The following EVC variants were observed in gnomAD, a reference collection of about 807,000 sequenced individuals.
EVC encodes EvC ciliary complex subunit 1.
In EVC, 116 loss-of-function variants were observed where a neutral mutation model predicts 118.9. The observed-to-expected ratio is 0.98, with a 90% CI of 0.84 to 1.14. EVC has a LOEUF of 1.14. Ranked by LOEUF, EVC falls within the 50% of genes most tolerant of loss-of-function variation. The pLI is 0.00. For synonymous variants in EVC, 619 were observed against 534.7 expected, an observed-to-expected ratio of 1.16 and a Z score of -2.18; for missense variants, 1,401 against 1,246.4, an observed-to-expected ratio of 1.12 and a Z score of -1.87.
At chr4:5,791,061 C>G (rs919400947) in intron 12 of EVC, among the ~76,000 whole-genome samples, 2 of 152,064 alleles carry the variant, frequency 1.3e-5, no homozygotes, top group South Asian at 2.1e-4. Flanking sequence ...CACAGGAGAT[C>G]ACTTAGCCTG....
chr4:5,733,537 T>G, intron 5 of EVC, 102 bp downstream of exon 5: 1 of 1,043,406 alleles, frequency 9.6e-7, no homozygotes, highest in East Asian at 2.4e-5. Flanking sequence ...GAGGCAGACA[T>G]CAGTGGAAAC....
the EVC span, chr4:5,821,084 A>C: frequency 2.6e-5 from 4 of 152,326 alleles, no homozygotes; most frequent in African/African-American, 9.6e-5. This position sits in a 1 kb window ranked among gnomAD's most constrained non-coding sequence, Gnocchi z 4.4. Flanking sequence ...ACCAGAAGAC[A>C]GCACGGTGAG....
At chr4:5,794,363 T>TTTA (rs1252982279) in intron 13 of EVC, among the ~76,000 whole-genome samples, 2 of 125,976 alleles carry the variant, frequency 1.6e-5, no homozygotes, top group African/African-American at 3.0e-5. Context: ...ATTTATGTAT[T>TTTA]TATATTTATA....
intron 2 of EVC, among the ~76,000 whole-genome samples, chr4:5,720,588 T>A (rs1352245713): frequency 6.6e-6 from 1 of 152,234 alleles, no homozygotes; most frequent in Non-Finnish European, 1.5e-5. Context: ...CCGACGTCAG[T>A]AGGGCTCAGC....
chr4:5,813,455 G>T lies in EVC; in HGVS notation c.*2418G>T, dbSNP rs1217954881. 6.6e-6 allele frequency: 1 copy of T among 152,190 alleles called. No individual in the cohort carries two copies. Among genetic ancestry groups the T allele is most frequent in the East Asian group, 1.9e-4 (1 of 5,168 alleles). 9.4% of individuals were successfully genotyped at this position (152,190 alleles called of 1,614,324 possible). A position where few individuals can be genotyped will look rare whatever the true frequency, so the allele number is the denominator to read the frequency against. ...GAACTCCTGACCTCATCGTCCACCTGCCTCGGCCTCCCCAAAGTGCTGAGA... is the reference window on the plus strand; with the variant it reads ...GAACTCCTGACCTCATCGTCCACCTTCCTCGGCCTCCCCAAAGTGCTGAGA... On this transcript the variant is annotated 3_prime_UTR_variant, in exon 21 of 21. Coordinates refer to ENST00000264956, the MANE Select transcript of EVC (RefSeq NM_153717.3).
intron 11 of EVC, among the ~76,000 whole-genome samples, chr4:5,762,576 T>A (rs932997726): frequency 5.4e-5 from 8 of 148,762 alleles, no homozygotes; most frequent in African/African-American, 2.0e-4. Flanking sequence ...GTTTCCTGAC[T>A]TTTTAATGAT....
chr4:5,782,750 G>GT (rs1445405432), intron 11 of EVC, among the ~76,000 whole-genome samples: 1 of 152,078 alleles, frequency 6.6e-6, no homozygotes, highest in Non-Finnish European at 1.5e-5. Context: ...GTGATCTTGA[G>GT]TGTGAGGGGA....
At chr4:5,794,349 ATATATT>A (rs1425850335) in intron 13 of EVC, among the ~76,000 whole-genome samples, 4 of 136,516 alleles carry the variant, frequency 2.9e-5, no homozygotes, top group South Asian at 4.3e-4. Context: ...ATACTTATAT[ATATATT>A]TATGTATTTA....
At chr4:5,726,172 T>G (rs2151896722) in intron 2 of EVC, among the ~76,000 whole-genome samples, 1 of 152,308 alleles carries the variant, frequency 6.6e-6, no homozygotes, top group South Asian at 2.1e-4. Flanking sequence ...TGGAAATCGG[T>G]CATTGGTGAT....
intron 20 of EVC, among the ~76,000 whole-genome samples, chr4:5,810,714 G>C (rs900436136): frequency 6.6e-6 from 1 of 152,180 alleles, no homozygotes; most frequent in African/African-American, 2.4e-5. Context: ...TTGGCATCCA[G>C]CCTGAAGTGT....
At chr4:5,752,082 C>T (rs1730457367) in intron 8 of EVC, among the ~76,000 whole-genome samples, 1 of 151,940 alleles carries the variant, frequency 6.6e-6, no homozygotes, top group Non-Finnish European at 1.5e-5. Context: ...GCAGGACTGG[C>T]CTGTGGCCTC....
rs576076928 is a variant in EVC at position 5,747,998 on chromosome 4, T to G, written c.940-150T>G. On this transcript the variant is annotated intron_variant, in intron 7 of 20. Transcript: ENST00000264956. ...GAAAGAACTTCACTGTAGAACGTGATTGTTGCCAAGATAAACTCACTGAAA... is the reference window on the plus strand; with the variant it reads ...GAAAGAACTTCACTGTAGAACGTGAGTGTTGCCAAGATAAACTCACTGAAA... The G allele has an allele frequency of 4.5e-6, 4 of 890,674 alleles. No individual in the cohort carries two copies. In the Admixed American group the frequency reaches 6.0e-5, roughly 13 times the overall value. 55.2% of individuals were successfully genotyped at this position (890,674 alleles called of 1,614,324 possible).
chr4:5,794,585 A>G (rs1331798591), intron 13 of EVC, among the ~76,000 whole-genome samples: 2 of 150,726 alleles, frequency 1.3e-5, no homozygotes, highest in Admixed American at 1.3e-4. Flanking sequence ...TAATTTTTGT[A>G]TTTTTTGTAG....
chr4:5,825,794 C>T, the EVC span: 10 of 797,150 alleles, frequency 1.3e-5, no homozygotes, highest in African/African-American at 1.8e-5. The surrounding 1 kb of genome is among the most constrained non-coding windows in gnomAD (Gnocchi z 4.4). Context: ...ACACACAACA[C>T]GCACACACGA....
At position 5,756,508 on chromosome 4, in the gene EVC, C is replaced by T. The variant is rs979514301; in HGVS notation, c.1563+146C>T. The T allele has an allele frequency of 5.4e-5, 39 of 718,086 alleles. No individual in the cohort carries two copies. Among genetic ancestry groups the T allele is most frequent in the Non-Finnish European group, 2.0e-5 (8 of 406,450 alleles). The allele number at this position is 718,086 out of a possible 1,614,324, so 44.5% of individuals were successfully genotyped here. The stretch of plus-strand genomic sequence containing the variant: ...CGGTGATCCACGCAGGCTGTGTCCC[C>T]TCCATGCGATCCTCCTTGCCCACAT... On this transcript the variant is annotated intron_variant, in intron 11 of 20. Coordinates refer to ENST00000264956, the MANE Select transcript of EVC (RefSeq NM_153717.3). This position sits in a 1 kb window ranked among gnomAD's most constrained non-coding sequence, Gnocchi z 4.2.
intron 11 of EVC, among the ~76,000 whole-genome samples, chr4:5,781,217 G>C (rs1735555431): frequency 1.3e-5 from 2 of 152,180 alleles, no homozygotes; most frequent in Non-Finnish European, 2.9e-5. Context: ...AGGGGAATGT[G>C]GGTGCTCTAG....
At chr4:5,825,722 TAAAGC>T in the EVC span, 2 of 1,551,456 alleles carry the variant, frequency 1.3e-6, no homozygotes, top group Non-Finnish European at 1.8e-6. The surrounding 1 kb of genome is among the most constrained non-coding windows in gnomAD (Gnocchi z 4.4). Flanking sequence ...TCTGGGCAGA[TAAAGC>T]AGAGCCCTGC....
chr4:5,813,575 G>T lies in EVC; in HGVS notation c.*2538G>T, dbSNP rs1365618200. The T allele has an allele frequency of 6.6e-6, 1 of 152,174 alleles. No homozygotes were observed. The highest frequency in any genetic ancestry group is 1.5e-5 in the Non-Finnish European group (1 of 68,044). 9.4% of individuals were successfully genotyped at this position (152,174 alleles called of 1,614,324 possible). ...CCGATGGCTCCTCCCGGGGAAGCCT[G>T]ATTTTGTGACGTGTGTATAGTAAAT... is the stretch of plus-strand genomic sequence containing the variant. On this transcript the variant is annotated 3_prime_UTR_variant, in exon 21 of 21. Transcript: ENST00000264956.
chr4:5,716,775 G>A (rs1162638250), intron 1 of EVC, among the ~76,000 whole-genome samples: 2 of 152,142 alleles, frequency 1.3e-5, no homozygotes, highest in Non-Finnish European at 2.9e-5. Flanking sequence ...TCCAGGCTTA[G>A]GGCAAGGGAT....
Sources: gnomAD v4.1 joint callset for allele counts (sites outside exome capture counted in the v4.1 genomes callset) on GRCh38, gnomAD v4.1.1 for gene constraint, Gnocchi (gnomAD v3.1) non-coding constraint, MANE v1.5 for transcripts, NCBI Gene and HGNC (gene_info 2026-07-23, HGNC 2026-07-21) for gene names.